ZNF462: variants seen among roughly 807,000 people sequenced by gnomAD.
ZNF462 encodes the protein zinc finger protein 462.
ZNF462 carries 10 observed loss-of-function variants against 201.9 expected under a neutral mutation model. The observed-to-expected ratio is 0.05, with a 90% confidence interval of 0.03 to 0.08. The LOEUF is 0.08. Ranked by LOEUF, ZNF462 falls within the 10% of genes least tolerant of loss-of-function variation. ZNF462 has a pLI of 1.00. For missense variants in ZNF462, 2,523 were observed against 3,168.3 expected (o/e 0.80, Z 4.89); for synonymous variants, 1,227 against 1,193.3 (o/e 1.03, Z -0.58).
At chr9:106,948,374 G>A (rs1310847913) in intron 7 of ZNF462, among the ~76,000 whole-genome samples, 28 of 152,178 alleles carry the variant, frequency 1.8e-4, no homozygotes. Flanking sequence ...AGCTATAAGT[G>A]CATTCAGCTA....
rs139979602 is a variant in ZNF462 at position 106,970,057 on chromosome 9, T to C, written c.6428-1948T>C. Among the ~76,000 whole-genome samples the C allele has an allele frequency of 3.9e-4, 60 of 152,262 alleles. No individual in the cohort carries two copies. The East Asian group carries it at 4.4e-3, about 11-fold the overall frequency. ...ATGAAATGGTAAACAAACCTGCTAT[T>C]GAATGAGAAGAATGAAAAGTTGACA... is the stretch of plus-strand genomic sequence containing the variant. On this transcript the variant is annotated intron_variant, in intron 7 of 12. Coordinates refer to ENST00000277225, the MANE Select transcript of ZNF462 (RefSeq NM_021224.6). The surrounding 1 kb of genome is among the most constrained non-coding windows in gnomAD (Gnocchi z 4.2).
At chr9:106,921,234 C>T (rs1294229407) in intron 1 of ZNF462, among the ~76,000 whole-genome samples, 1 of 152,174 alleles carries the variant, frequency 6.6e-6, no homozygotes, top group Non-Finnish European at 1.5e-5. Flanking sequence ...TCATCCTGCT[C>T]TGACCAGGGC....
chr9:106,863,434 A>G, intron 1 of ZNF462, 79 bp downstream of exon 1: 1 of 376,958 alleles, frequency 2.7e-6, no homozygotes, highest in Non-Finnish European at 4.7e-6. Flanking sequence ...TGGAGGCACA[A>G]ACGCGCTCAT....
chr9:106,942,089 G>A (rs1830898402), intron 7 of ZNF462, among the ~76,000 whole-genome samples: 2 of 152,212 alleles, frequency 1.3e-5, no homozygotes, highest in African/African-American at 2.4e-5. Flanking sequence ...GCAGGCCTGG[G>A]GGGAGTCAAG....
At position 106,954,796 on chromosome 9, in the gene ZNF462, C is replaced by T. The variant is rs1230975244; in HGVS notation, c.6427+15689C>T. On this transcript the variant is annotated intron_variant, in intron 7 of 12. Transcript: ENST00000277225. This position sits in a 1 kb window ranked among gnomAD's most constrained non-coding sequence, Gnocchi z 4.0. ...CTCTGAAATCCCTCAATGCTGTGCC[C>T]TACCTCTCTTAAGAACATGTAGTTC... 1.3e-5 allele frequency among the ~76,000 whole-genome samples: 2 copies of T among 152,160 alleles called. No individual in the cohort carries two copies. Among genetic ancestry groups the T allele is most frequent in the African/African-American group, 4.8e-5 (2 of 41,432 alleles).
Position 106,938,758 on chromosome 9 carries a change from T to C in ZNF462, c.6236-158T>C, listed in dbSNP as rs1830738045. ...TTCAACTCCAAAGGAGTACTGTGGT[T>C]GTGGCAGGTTGTTGGTCTGTGAGGT... On this transcript the variant is annotated intron_variant, in intron 6 of 12. Transcript: ENST00000277225. This position sits in a 1 kb window ranked among gnomAD's most constrained non-coding sequence, Gnocchi z 4.4. Among the ~76,000 whole-genome samples the C allele has an allele frequency of 6.6e-6, 1 of 152,196 alleles. No homozygotes were observed. Among genetic ancestry groups the C allele is most frequent in the Non-Finnish European group, 1.5e-5 (1 of 68,036 alleles).
At chr9:106,986,302 C>A (rs1352408531) in intron 10 of ZNF462, among the ~76,000 whole-genome samples, 1 of 152,078 alleles carries the variant, frequency 6.6e-6, no homozygotes, top group Non-Finnish European at 1.5e-5. Flanking sequence ...AGCTTTTGAA[C>A]CAAAAAGATC....
intron 1 of ZNF462, among the ~76,000 whole-genome samples, chr9:106,869,598 T>A (rs972499018): frequency 6.6e-6 from 1 of 152,212 alleles, no homozygotes; most frequent in Admixed American, 6.5e-5. Context: ...GTGCTGGATG[T>A]GGACTTCTGG....
rs569329045 is a variant in ZNF462 at position 106,954,440 on chromosome 9, C to T, written c.6427+15333C>T. Among the ~76,000 whole-genome samples, 47 of 151,402 alleles carry T rather than the reference C, an allele frequency of 3.1e-4. No individual in the cohort carries two copies. Among genetic ancestry groups the T allele is most frequent in the African/African-American group, 1.1e-3 (44 of 41,256 alleles). ...CTCCCACAAGGTCCCTTCCTTGACA[C>T]GTGGGGATTACAATTAGAGATGAGA... On this transcript the variant is annotated intron_variant, in intron 7 of 12. Transcript: ENST00000277225. This position sits in a 1 kb window ranked among gnomAD's most constrained non-coding sequence, Gnocchi z 4.0.
At chr9:106,892,976 A>AG (rs2131074635) in intron 1 of ZNF462, among the ~76,000 whole-genome samples, 1 of 152,346 alleles carries the variant, frequency 6.6e-6, no homozygotes, top group Admixed American at 6.5e-5. Context: ...AAGATGACAC[A>AG]GGTGACATAA....
intron 7 of ZNF462, among the ~76,000 whole-genome samples, chr9:106,971,461 T>G (rs1826607410): frequency 6.6e-6 from 1 of 151,778 alleles, no homozygotes; most frequent in Non-Finnish European, 1.5e-5. Context: ...TATTTTTAAA[T>G]ACCATGAGCC....
At chr9:106,955,200 T>C (rs1376103831) in intron 7 of ZNF462, among the ~76,000 whole-genome samples, 1 of 152,234 alleles carries the variant, frequency 6.6e-6, no homozygotes, top group Non-Finnish European at 1.5e-5. Flanking sequence ...GTATCTAACA[T>C]ACAGGAATAC....
In ZNF462 at chr9:106,972,326, C is replaced by G; in HGVS notation, c.6695+54C>G. 2 of 1,573,462 alleles carry G rather than the reference C, an allele frequency of 1.3e-6. No individual in the cohort carries two copies. The highest frequency in any genetic ancestry group is 1.7e-6 in the Non-Finnish European group (2 of 1,159,544). On this transcript the variant is annotated intron_variant, in intron 8 of 12. Coordinates refer to ENST00000277225, the MANE Select transcript of ZNF462 (RefSeq NM_021224.6). This position sits in a 1 kb window ranked among gnomAD's most constrained non-coding sequence, Gnocchi z 4.8. ...AACAAGGCGGCCGCCCCTGCTCCAC[C>G]CCTCACTGCAGGCTTCCCTTACACT...
In ZNF462 at chr9:106,981,054, A is replaced by G. The variant is rs1269712205; in HGVS notation, c.6833-3132A>G. ...TTAAAGTCTGTCTTTTTTTATTTTT[A>G]TCTTGGTCATGTTAACCATGTTTTT... is the stretch of plus-strand genomic sequence containing the variant. On this transcript the variant is annotated intron_variant, in intron 9 of 12. Transcript: ENST00000277225. The surrounding 1 kb of genome is among the most constrained non-coding windows in gnomAD (Gnocchi z 4.0). 1.3e-5 allele frequency among the ~76,000 whole-genome samples: 2 copies of G among 152,070 alleles called. No homozygotes were observed. Among genetic ancestry groups the G allele is most frequent in the Non-Finnish European group, 2.9e-5 (2 of 68,002 alleles).
At position 107,009,475 on chromosome 9, in the gene ZNF462, A is replaced by G; in HGVS notation, c.7190-70A>G. The G allele has an allele frequency of 3.1e-6, 5 of 1,596,262 alleles. No individual in the cohort carries two copies. Among genetic ancestry groups the G allele is most frequent in the Non-Finnish European group, 4.3e-6 (5 of 1,168,168 alleles). ...TGAAGGTAGGAGAGAGGGTATCCTA[A>G]TGAATGCTGACTTACCTATTCTGCT... On this transcript the variant is annotated intron_variant, in intron 11 of 12. Coordinates refer to ENST00000277225, the MANE Select transcript of ZNF462 (RefSeq NM_021224.6). This position sits in a 1 kb window ranked among gnomAD's most constrained non-coding sequence, Gnocchi z 6.1.
chr9:106,992,985 G>A (rs1039685013), intron 10 of ZNF462, among the ~76,000 whole-genome samples: 3 of 152,064 alleles, frequency 2.0e-5, no homozygotes, highest in Admixed American at 6.6e-5. Flanking sequence ...GATTAATGTG[G>A]AATAGACTTA....
intron 7 of ZNF462, among the ~76,000 whole-genome samples, chr9:106,965,477 C>A (rs1448057910): frequency 6.6e-6 from 1 of 151,956 alleles, no homozygotes; most frequent in Non-Finnish European, 1.5e-5. Flanking sequence ...GTAGGGAAGG[C>A]AGGACTGAGG....
Position 106,972,328 on chromosome 9 carries a change from C to G in ZNF462, c.6695+56C>G. ...CAAGGCGGCCGCCCCTGCTCCACCC[C>G]TCACTGCAGGCTTCCCTTACACTTT... On this transcript the variant is annotated intron_variant, in intron 8 of 12. Transcript: ENST00000277225. The surrounding 1 kb of genome is among the most constrained non-coding windows in gnomAD (Gnocchi z 4.8). 6.4e-7 allele frequency: 1 copy of G among 1,570,986 alleles called. No homozygotes were observed. Among genetic ancestry groups the G allele is most frequent in the African/African-American group, 1.4e-5 (1 of 73,860 alleles).
intron 9 of ZNF462, chr9:106,975,689 G>C (rs1826950549): frequency 6.6e-6 from 1 of 152,228 alleles, no homozygotes; most frequent in Admixed American, 6.5e-5. Context: ...TCACAGCTTG[G>C]TAAGGGGCCA....
Sources: gnomAD v4.1 joint callset for allele counts (sites outside exome capture counted in the v4.1 genomes callset) on GRCh38, gnomAD v4.1.1 for gene constraint, Gnocchi (gnomAD v3.1) non-coding constraint, MANE v1.5 for transcripts, NCBI Gene and HGNC (gene_info 2026-07-23, HGNC 2026-07-21) for gene names.